CCDC73: variants seen among roughly 807,000 people sequenced by gnomAD.
CCDC73 encodes coiled-coil domain containing 73.
CCDC73 carries 95 observed loss-of-function variants against 116.5 expected under a neutral mutation model. That is an observed-to-expected ratio of 0.82 (90% CI 0.69 to 0.97). The LOEUF (loss-of-function observed/expected upper bound fraction) is 0.97. Ranked by LOEUF, CCDC73 falls within the 50% of genes least tolerant of loss-of-function variation. CCDC73 has a pLI of 0.00. For synonymous variants in CCDC73, 398 were observed against 401.3 expected (o/e 0.99, Z 0.10); for missense variants, 1,066 against 1,206.8 (o/e 0.88, Z 1.73).
chr11:32,693,122 G>A (rs1856275704), intron 6 of CCDC73, among the ~76,000 whole-genome samples: 1 of 152,210 alleles, frequency 6.6e-6, no homozygotes, highest in Non-Finnish European at 1.5e-5. Flanking sequence ...AGAGTCTCTT[G>A]ACTATGAGCT....
At position 32,616,131 on chromosome 11, in the gene CCDC73, T is replaced by C. The variant is rs746005505; in HGVS notation, c.1186-2A>G. The C allele has an allele frequency of 1.9e-6, 3 of 1,560,366 alleles. No homozygotes were observed. In the African/African-American group the frequency reaches 4.2e-5, roughly 22 times the overall value. ...TTCATTATTTACTTCTGGAACATTC[T>C]AGTGTAAAATGGAAGAGATTCTTTT... On this transcript the variant is annotated splice_acceptor_variant, in intron 14 of 17. Transcript: ENST00000335185. LOFTEE classifies it high-confidence loss of function.
At chr11:32,763,259 T>C (rs979621798) in intron 1 of CCDC73, among the ~76,000 whole-genome samples, 3 of 152,188 alleles carry the variant, frequency 2.0e-5, no homozygotes, top group African/African-American at 7.2e-5. Flanking sequence ...GTGGTTCTCC[T>C]AGCACAGAGT....
intron 1 of CCDC73, among the ~76,000 whole-genome samples, chr11:32,768,639 A>G (rs1850465910): frequency 6.6e-6 from 1 of 152,226 alleles, no homozygotes; most frequent in Non-Finnish European, 1.5e-5. Flanking sequence ...TTCCAGATTG[A>G]TAATGCCCAT....
At chr11:32,829,945 C>G in the CCDC73 span, 3 of 985,654 alleles carry the variant, frequency 3.0e-6, no homozygotes, top group Non-Finnish European at 3.6e-6. Flanking sequence ...GCCGCCTCCC[C>G]GGACCGAGGC....
rs554567130 is a variant in CCDC73 at position 32,645,518 on chromosome 11, G to A, written c.940-3436C>T. The stretch of plus-strand genomic sequence containing the variant: ...GTTGGTCAAGCTGGTTTTGAACTCC[G>A]GACCTCGTGATCCGCCCGCCTTGGC... On this transcript the variant is annotated intron_variant, in intron 12 of 17. Transcript: ENST00000335185. Among the ~76,000 whole-genome samples the A allele has an allele frequency of 1.8e-4, 28 of 151,694 alleles. No homozygotes were observed. In the East Asian group the frequency reaches 4.5e-3, roughly 24 times the overall value.
intron 1 of CCDC73, among the ~76,000 whole-genome samples, chr11:32,780,100 C>T (rs1178822633): frequency 6.6e-6 from 1 of 151,830 alleles, no homozygotes; most frequent in Non-Finnish European, 1.5e-5. Flanking sequence ...ATGGTGAAAC[C>T]CCATCTCTAC....
intron 3 of CCDC73, among the ~76,000 whole-genome samples, chr11:32,713,640 A>G (rs1188692984): frequency 2.6e-5 from 4 of 152,102 alleles, no homozygotes; most frequent in Non-Finnish European, 5.9e-5. Context: ...AAAATGTGAT[A>G]ATAAATTACA....
chr11:32,653,353 A>G, intron 11 of CCDC73, 126 bp from the exon 12 acceptor site: 1 of 535,472 alleles, frequency 1.9e-6, no homozygotes, highest in Non-Finnish European at 3.2e-6. Context: ...AATACTTTAT[A>G]TTAAACTAAT....
chr11:32,715,859 T>C (rs1471403419), intron 3 of CCDC73, among the ~76,000 whole-genome samples: 1 of 152,146 alleles, frequency 6.6e-6, no homozygotes, highest in African/African-American at 2.4e-5. Flanking sequence ...AAACATCTGG[T>C]TTATCAAACA....
At chr11:32,676,072 C>A in intron 7 of CCDC73, 51 bp from the exon 8 acceptor site, 1 of 1,395,210 alleles carries the variant, frequency 7.2e-7, no homozygotes. Flanking sequence ...ACACACATCG[C>A]CACACACAAC....
intron 2 of CCDC73, chr11:32,758,567 A>G (rs1000546621): frequency 6.8e-6 from 3 of 443,590 alleles, no homozygotes; most frequent in Non-Finnish European, 4.5e-6. Flanking sequence ...GGAGCAGAAA[A>G]TCCTTGTGAA....
intron 12 of CCDC73, among the ~76,000 whole-genome samples, chr11:32,648,674 C>T (rs1015310615): frequency 6.6e-6 from 1 of 152,062 alleles, no homozygotes; most frequent in Non-Finnish European, 1.5e-5. Context: ...GCCTCAGGCT[C>T]CCGAGTAGCT....
the CCDC73 span, among the ~76,000 whole-genome samples, chr11:32,817,746 T>G: frequency 1.3e-5 from 2 of 152,172 alleles, no homozygotes; most frequent in African/African-American, 4.8e-5. Context: ...CTAATCTTAT[T>G]TAAGACTCCA....
At chr11:32,733,831 T>C (rs1293157381) in intron 2 of CCDC73, among the ~76,000 whole-genome samples, 5 of 152,016 alleles carry the variant, frequency 3.3e-5, no homozygotes, top group East Asian at 1.9e-4. Context: ...AGATCTAAAA[T>C]TGACACACTA....
chr11:32,701,547 A>T (rs894115138), intron 4 of CCDC73, among the ~76,000 whole-genome samples: 6 of 151,796 alleles, frequency 4.0e-5, no homozygotes, highest in South Asian at 2.1e-4. Context: ...AAAAACTTTT[A>T]AAAAAAAATT....
At position 32,613,660 on chromosome 11, in the gene CCDC73, A is replaced by C. The variant is rs759632812; in HGVS notation, c.2658T>G (p.Phe886Leu). 24 of 1,614,012 alleles carry C rather than the reference A, an allele frequency of 1.5e-5. No individual in the cohort carries two copies. Among genetic ancestry groups the C allele is most frequent in the Admixed American group, 1.0e-4 (6 of 59,992 alleles). The change falls in exon 16 of 18, where the codon TTT (phenylalanine) becomes TTG (leucine). Residue 886 changes from phenylalanine (F) to leucine (L), a missense_variant. Phe to Leu is a conservative substitution (Grantham distance 22). Coordinates refer to ENST00000335185, the MANE Select transcript of CCDC73 (RefSeq NM_001008391.4). ...TTTTTTTATCTGAAGTTGAAAGATC[A>C]AAGGTTGACCTTCCGCTTCTGTTTA... The part of the protein sequence containing the change: ...DLVNRSGRST[F>L]DLSTSDKKTE...
At chr11:32,688,811 T>C (rs903248918) in intron 6 of CCDC73, among the ~76,000 whole-genome samples, 2 of 152,128 alleles carry the variant, frequency 1.3e-5, no homozygotes, top group East Asian at 1.9e-4. Flanking sequence ...TTGAAAAATA[T>C]ATAGCATCAA....
At chr11:32,739,761 C>T (rs1850167185) in intron 2 of CCDC73, among the ~76,000 whole-genome samples, 1 of 150,992 alleles carries the variant, frequency 6.6e-6, no homozygotes, top group African/African-American at 2.5e-5. Context: ...TGTCATGTTC[C>T]AGATTTTAGA....
intron 2 of CCDC73, among the ~76,000 whole-genome samples, chr11:32,733,463 T>C (rs1166989580): frequency 2.0e-5 from 3 of 152,180 alleles, no homozygotes; most frequent in South Asian, 4.1e-4. Context: ...CGACATAATA[T>C]ACATTCTTCT....
Sources: gnomAD v4.1 joint callset for allele counts (sites outside exome capture counted in the v4.1 genomes callset) on GRCh38, gnomAD v4.1.1 for gene constraint, MANE v1.5 for transcripts, NCBI Gene and HGNC (gene_info 2026-07-23, HGNC 2026-07-21) for gene names.